Variants in NTRK2 observed in about 807,000 individuals in gnomAD.
NTRK2 encodes neurotrophic receptor tyrosine kinase 2.
In NTRK2, 13 loss-of-function variants were observed where a neutral mutation model predicts 94.5. That is an observed-to-expected ratio of 0.14 (90% CI 0.09 to 0.22). The LOEUF is 0.22. Ranked by LOEUF, NTRK2 falls within the 10% of genes least tolerant of loss-of-function variation. NTRK2 has a pLI of 1.00. For synonymous variants in NTRK2, 372 were observed against 407.4 expected, an observed-to-expected ratio of 0.91 and a Z score of 1.05; for missense variants, 639 against 1,071.2, an observed-to-expected ratio of 0.60 and a Z score of 5.63.
intron 12 of NTRK2, among the ~76,000 whole-genome samples, chr9:84,857,122 T>C (rs1234846976): frequency 6.6e-6 from 1 of 152,094 alleles, no homozygotes; most frequent in African/African-American, 2.4e-5. Context: ...TTTTGCCATT[T>C]ATTTTATTTA....
intron 17 of NTRK2, among the ~76,000 whole-genome samples, chr9:84,993,726 C>A (rs951909686): frequency 1.3e-5 from 2 of 152,194 alleles, no homozygotes. Flanking sequence ...CAGCTTCATC[C>A]CTTGTGAATC....
intron 12 of NTRK2, among the ~76,000 whole-genome samples, chr9:84,837,804 T>C (rs2073961556): frequency 6.6e-6 from 1 of 152,204 alleles, no homozygotes; most frequent in South Asian, 2.1e-4. Context: ...AATAGAAGAA[T>C]GCTTCCTTTA....
intron 12 of NTRK2, among the ~76,000 whole-genome samples, chr9:84,760,787 C>A (rs138065357): frequency 2.5e-3 from 380 of 152,300 alleles, no homozygotes; most frequent in Non-Finnish European, 4.1e-3. Context: ...GACCCCCCAA[C>A]ACCCACTAGC....
chr9:84,989,192 C>T lies in NTRK2; in HGVS notation c.2173-31014C>T, dbSNP rs369613654. 2.6e-5 allele frequency among the ~76,000 whole-genome samples: 4 copies of T among 152,280 alleles called. No homozygotes were observed. In the East Asian group the frequency reaches 5.8e-4, roughly 22 times the overall value. The stretch of plus-strand genomic sequence containing the variant: ...CTGCACAGCTCACACCACCCCACCC[C>T]ACAAACTACTATTTTGTTTCTTGGT... On this transcript the variant is annotated intron_variant, in intron 17 of 18. Transcript: ENST00000277120.
At chr9:84,830,796 A>G (rs1244642986) in intron 12 of NTRK2, among the ~76,000 whole-genome samples, 1 of 152,178 alleles carries the variant, frequency 6.6e-6, no homozygotes, top group Non-Finnish European at 1.5e-5. Context: ...AGTGATTTTT[A>G]AAAATCCTAC....
chr9:84,701,205 G>C (rs977584485), intron 2 of NTRK2, among the ~76,000 whole-genome samples: 2 of 152,232 alleles, frequency 1.3e-5, no homozygotes, highest in African/African-American at 2.4e-5. Flanking sequence ...TCTAGCCTGA[G>C]AGACAGTTGT....
At chr9:84,931,678 C>T (rs2078035163) in intron 14 of NTRK2, among the ~76,000 whole-genome samples, 2 of 144,058 alleles carry the variant, frequency 1.4e-5, no homozygotes, top group Admixed American at 1.5e-4. Flanking sequence ...TTTTCTCCTG[C>T]TTGGACTGCG....
chr9:84,973,047 G>A (rs1292732186), intron 17 of NTRK2, among the ~76,000 whole-genome samples: 2 of 152,098 alleles, frequency 1.3e-5, no homozygotes, highest in Admixed American at 6.6e-5. Context: ...TTGATTATAT[G>A]TGCATGGACT....
Position 84,741,931 on chromosome 9 carries a change from G to T in NTRK2, c.1195+4G>T. The T allele has an allele frequency of 6.2e-7, 1 of 1,610,554 alleles. No homozygotes were observed. On this transcript the variant is annotated splice_donor_region_variant and intron_variant, in intron 10 of 18. Coordinates refer to ENST00000277120, the MANE Select transcript of NTRK2 (RefSeq NM_006180.6). ...TATCCTGATGTAATTTATGAAGGTAGCTATCGTGTTTTCTACTTTGTATTT... is the reference window on the plus strand; with the variant it reads ...TATCCTGATGTAATTTATGAAGGTATCTATCGTGTTTTCTACTTTGTATTT...
intron 17 of NTRK2, among the ~76,000 whole-genome samples, chr9:84,961,357 G>T (rs1824903807): frequency 1.3e-5 from 2 of 152,274 alleles, no homozygotes; most frequent in South Asian, 2.1e-4. Flanking sequence ...TGATTAAAGT[G>T]TACTTAAAAC....
chr9:84,803,790 C>T (rs1029976419), intron 12 of NTRK2, among the ~76,000 whole-genome samples: 3 of 152,166 alleles, frequency 2.0e-5, no homozygotes, highest in East Asian at 1.9e-4. Context: ...ATTAGCCCCA[C>T]ATATGTATGT....
At position 84,678,840 on chromosome 9, in the gene NTRK2, A is replaced by T. The variant is rs2059218375; in HGVS notation, c.212+7880A>T. Among the ~76,000 whole-genome samples the T allele has an allele frequency of 2.6e-5, 4 of 152,346 alleles. No homozygotes were observed. In the South Asian group the frequency reaches 8.3e-4, roughly 32 times the overall value. ...TGCTGCTACCACCCAAACTCAAAGA[A>T]TGTTATAGATGATATTGCTCCTTGG... On this transcript the variant is annotated intron_variant, in intron 2 of 18. Coordinates refer to ENST00000277120, the MANE Select transcript of NTRK2 (RefSeq NM_006180.6).
intron 12 of NTRK2, among the ~76,000 whole-genome samples, chr9:84,839,902 C>T (rs11140783): frequency 0.068 from 10,271 of 152,158 alleles, 484 homozygotes; most frequent in East Asian, 0.18. Context: ...AACTACAGGG[C>T]TTTGGGTTTC....
chr9:84,904,862 C>T (rs1435788004), intron 14 of NTRK2, among the ~76,000 whole-genome samples: 1 of 152,136 alleles, frequency 6.6e-6, no homozygotes, highest in Non-Finnish European at 1.5e-5. Context: ...GAACAGAAAA[C>T]ATCTCCATTT....
At chr9:84,920,288 A>G (rs748980942) in intron 14 of NTRK2, among the ~76,000 whole-genome samples, 7 of 152,196 alleles carry the variant, frequency 4.6e-5, no homozygotes, top group Admixed American at 3.3e-4. Flanking sequence ...AAGAGACCTG[A>G]GTTCAATGTT....
At chr9:84,907,673 G>C (rs1485484941) in intron 14 of NTRK2, among the ~76,000 whole-genome samples, 1 of 150,408 alleles carries the variant, frequency 6.6e-6, no homozygotes. Context: ...CCTCTTCGGA[G>C]GCATTACTCT....
At chr9:84,776,338 C>G (rs1328300236) in intron 12 of NTRK2, among the ~76,000 whole-genome samples, 1 of 152,178 alleles carries the variant, frequency 6.6e-6, no homozygotes, top group Non-Finnish European at 1.5e-5. Context: ...TCTTATGCCT[C>G]AGTCTCCTGA....
chr9:84,874,584 G>T, intron 14 of NTRK2: 1 of 1,062,624 alleles, frequency 9.4e-7, no homozygotes, highest in Non-Finnish European at 1.1e-6. Flanking sequence ...CTCTTGAATG[G>T]CAAGAGAAGA....
chr9:84,901,618 G>A (rs2076932507), intron 14 of NTRK2, among the ~76,000 whole-genome samples: 1 of 152,096 alleles, frequency 6.6e-6, no homozygotes, highest in African/African-American at 2.4e-5. Context: ...GAAACCTCAA[G>A]TTATTGTGAA....
Sources: gnomAD v4.1 joint callset for allele counts (sites outside exome capture counted in the v4.1 genomes callset) on GRCh38, gnomAD v4.1.1 for gene constraint, MANE v1.5 for transcripts, NCBI Gene and HGNC (gene_info 2026-07-23, HGNC 2026-07-21) for gene names.